The following CCDC40 variants were observed in gnomAD, a reference collection of about 807,000 sequenced individuals.
CCDC40 encodes coiled-coil domain 40 molecular ruler complex subunit, also known as coiled-coil domain-containing protein 40.
CCDC40 carries 104 observed loss-of-function variants against 124.5 expected under a neutral mutation model. That is an observed-to-expected ratio of 0.84 (90% CI 0.71 to 0.98). The LOEUF is 0.98. CCDC40 is among the 50% of genes least tolerant of loss of function. The pLI, the probability that CCDC40 is intolerant of heterozygous loss-of-function variation, is 0.00. For synonymous variants in CCDC40, 580 were observed against 602.9 expected (o/e 0.96, Z 0.56); for missense variants, 1,463 against 1,503.9 (o/e 0.97, Z 0.45).
intron 17 of CCDC40, chr17:80,090,386 C>T (rs2038698661): frequency 1.5e-6 from 2 of 1,366,454 alleles, no homozygotes; most frequent in Non-Finnish European, 9.9e-7. Flanking sequence ...AGGACACACA[C>T]AGCACGTGCA....
At chr17:80,096,447 T>C (rs2038811344) in intron 18 of CCDC40, among the ~76,000 whole-genome samples, 1 of 151,658 alleles carries the variant, frequency 6.6e-6, no homozygotes, top group Non-Finnish European at 1.5e-5. Flanking sequence ...GAGTGGCCTC[T>C]TCTCAGTCCT....
chr17:80,067,853 A>G (rs2038088210), intron 10 of CCDC40: 1 of 1,396,452 alleles, frequency 7.2e-7, no homozygotes. Flanking sequence ...TGCCAATCCG[A>G]TTGATGAAGA....
At position 80,100,429 on chromosome 17, in the gene CCDC40, A is replaced by C. The variant is rs2289538; in HGVS notation, c.*654A>C. 3,536 of 153,962 alleles carry C rather than the reference A, an allele frequency of 0.023. 86 individuals carry two copies. The highest frequency in any genetic ancestry group is 0.064 in the African/African-American group (2,651 of 41,532). The allele number at this position is 153,962 out of a possible 1,614,324, so 9.5% of individuals were successfully genotyped here. A position where few individuals can be genotyped will look rare whatever the true frequency, so the allele number is the denominator to read the frequency against. ...CACGCTGGGGCGTCCACACCAAGGGACTACGCCCCAGTCTGCCCACCTATC... is the reference window on the plus strand; with the variant it reads ...CACGCTGGGGCGTCCACACCAAGGGCCTACGCCCCAGTCTGCCCACCTATC... On this transcript the variant is annotated 3_prime_UTR_variant, in exon 20 of 20. Transcript: ENST00000397545.
chr17:80,084,164 G>A (rs972245655), intron 12 of CCDC40, among the ~76,000 whole-genome samples: 3 of 152,118 alleles, frequency 2.0e-5, no homozygotes, highest in African/African-American at 4.8e-5. Context: ...TCACACTGCT[G>A]TAGGAAATAC....
intron 9 of CCDC40, among the ~76,000 whole-genome samples, chr17:80,059,990 C>T (rs530802703): frequency 4.9e-4 from 75 of 152,288 alleles, no homozygotes; most frequent in African/African-American, 1.6e-3. Context: ...AAGTAGAGCA[C>T]GTCCCAATCA....
chr17:80,084,645 G>A (rs1236753155), intron 12 of CCDC40, 98 bp from the exon 13 acceptor site: 3 of 1,445,126 alleles, frequency 2.1e-6, no homozygotes, highest in Non-Finnish European at 2.9e-6. Flanking sequence ...AATATCTCCA[G>A]AGGAACATCC....
At chr17:80,076,055 T>C (rs749142988) in intron 10 of CCDC40, among the ~76,000 whole-genome samples, 15 of 152,230 alleles carry the variant, frequency 9.9e-5, no homozygotes, top group Non-Finnish European at 1.6e-4. Flanking sequence ...CCTGTGAAGA[T>C]GCCATGCGCA....
At chr17:80,068,017 G>A (rs2038093269) in intron 10 of CCDC40, 2 of 1,032,622 alleles carry the variant, frequency 1.9e-6, no homozygotes, top group South Asian at 4.0e-5. Flanking sequence ...GAGGAGTGAG[G>A]CCCAACTTTT....
At chr17:80,096,411 C>T (rs572382479) in intron 18 of CCDC40, among the ~76,000 whole-genome samples, 2 of 152,224 alleles carry the variant, frequency 1.3e-5, no homozygotes, top group South Asian at 4.1e-4. Flanking sequence ...TTGGAAGTAA[C>T]TGGAAGTTTC....
At chr17:80,078,519 C>T (rs910802033) in intron 10 of CCDC40, among the ~76,000 whole-genome samples, 29 of 152,212 alleles carry the variant, frequency 1.9e-4, no homozygotes, top group Admixed American at 5.2e-4. Context: ...TGTCCCAGCA[C>T]CACTTGTTGA....
chr17:80,091,360 A>G (rs202092949), intron 17 of CCDC40, among the ~76,000 whole-genome samples: 40 of 129,676 alleles, frequency 3.1e-4, no homozygotes, highest in East Asian at 2.6e-3. Context: ...GAGAGAGAGA[A>G]AGAAAGAGAG....
chr17:80,071,254 C>T (rs765874302), intron 10 of CCDC40, among the ~76,000 whole-genome samples: 28 of 152,300 alleles, frequency 1.8e-4, no homozygotes, highest in Admixed American at 1.4e-3. Flanking sequence ...TATTTCCTGG[C>T]GGGAAATACA....
chr17:80,096,146 G>A (rs1197171960), intron 18 of CCDC40, among the ~76,000 whole-genome samples: 1 of 152,246 alleles, frequency 6.6e-6, no homozygotes, highest in Non-Finnish European at 1.5e-5. Context: ...GGGTGGAGGG[G>A]CAGAGTTAAA....
Position 80,082,150 on chromosome 17 carries a change from C to T in CCDC40, c.1989+92C>T, listed in dbSNP as rs189909020. On this transcript the variant is annotated intron_variant, in intron 12 of 19. Transcript: ENST00000397545. ...GTCCTGGAGGCGGAGAGGGCGGAGT[C>T]AGTGTGAGCAGAGGGCCCTCCTGTG... The T allele has an allele frequency of 6.3e-6, 7 of 1,108,224 alleles. No homozygotes were observed. In the Admixed American group the frequency reaches 1.3e-4, roughly 21 times the overall value. 68.6% of individuals were successfully genotyped at this position (1,108,224 alleles called of 1,614,324 possible). A position where few individuals can be genotyped will look rare whatever the true frequency, so the allele number is the denominator to read the frequency against.
chr17:80,094,545 A>G (rs181873787), intron 17 of CCDC40, among the ~76,000 whole-genome samples: 1 of 152,048 alleles, frequency 6.6e-6, no homozygotes, highest in Non-Finnish European at 1.5e-5. Context: ...AAATACAAAA[A>G]TTAGCCAGGC....
intron 7 of CCDC40, among the ~76,000 whole-genome samples, chr17:80,054,034 T>C (rs2143631767): frequency 6.6e-6 from 1 of 152,274 alleles, no homozygotes; most frequent in East Asian, 1.9e-4. Context: ...AAAACAGACA[T>C]TCTATTCGAG....
chr17:80,044,987 G>A (rs890426204), intron 3 of CCDC40, among the ~76,000 whole-genome samples: 3 of 152,116 alleles, frequency 2.0e-5, no homozygotes, highest in African/African-American at 4.8e-5. Flanking sequence ...ACGGACACCC[G>A]GAAACCTCTC....
intron 3 of CCDC40, chr17:80,040,533 G>C: frequency 2.1e-6 from 1 of 480,268 alleles, no homozygotes; most frequent in Non-Finnish European, 3.8e-6. Context: ...GCAAAAATTA[G>C]GCAGGCGTGG....
At chr17:80,044,063 A>C (rs1270422281) in intron 3 of CCDC40, among the ~76,000 whole-genome samples, 1 of 152,170 alleles carries the variant, frequency 6.6e-6, no homozygotes, top group Non-Finnish European at 1.5e-5. Flanking sequence ...TGGGATAGAC[A>C]CTGTTCTGTG....
Sources: allele counts gnomAD v4.1 joint callset (sites outside exome capture counted in the v4.1 genomes callset), GRCh38; gene constraint gnomAD v4.1.1; transcripts MANE v1.5; gene names NCBI Gene and HGNC (gene_info 2026-07-23, HGNC 2026-07-21).